The following SLC4A7 variants were observed in gnomAD, a reference collection of about 807,000 sequenced individuals.
SLC4A7 encodes the protein sodium bicarbonate cotransporter 3.
SLC4A7 carries 51 observed loss-of-function variants against 137.6 expected under a neutral mutation model. That is an observed-to-expected ratio of 0.37 (90% CI 0.30 to 0.47). SLC4A7 has a LOEUF of 0.47. Ranked by LOEUF, SLC4A7 falls within the 20% of genes least tolerant of loss-of-function variation. SLC4A7 has a pLI of 1.00. For synonymous variants in SLC4A7, 542 were observed against 518.6 expected (o/e 1.05, Z -0.61); for missense variants, 1,247 against 1,525.4 (o/e 0.82, Z 3.04).
Position 27,379,344 on chromosome 3 carries a change from T to C in SLC4A7, c.3603A>G (p.Ser1201=). The part of the protein sequence containing the change: ...VKALKYSVDP[S]IVNISDEMAK... ...CCATTTCATCTGATATGTTAACAATTGAGGGATCAACACTGAAGAACAAAT... is the reference window on the plus strand; with the variant it reads ...CCATTTCATCTGATATGTTAACAATCGAGGGATCAACACTGAAGAACAAAT... Residue 1201 remains serine (S), a synonymous_variant, in exon 25 of 26, where the codon TCA becomes TCG. Transcript: ENST00000454389. The C allele has an allele frequency of 6.5e-7, 1 of 1,526,942 alleles. No homozygotes were observed. The highest frequency in any genetic ancestry group is 8.8e-7 in the Non-Finnish European group (1 of 1,138,310). The allele number at this position is 1,526,942 out of a possible 1,614,324, so 94.6% of individuals were successfully genotyped here.
intron 1 of SLC4A7, among the ~76,000 whole-genome samples, chr3:27,458,128 T>C (rs894278948): frequency 1.3e-5 from 2 of 152,176 alleles, no homozygotes; most frequent in South Asian, 4.1e-4. Flanking sequence ...TACAAATGCT[T>C]ATTTTGTCAT....
intron 5 of SLC4A7, among the ~76,000 whole-genome samples, chr3:27,434,504 A>G (rs2056579282): frequency 6.6e-6 from 1 of 152,186 alleles, no homozygotes; most frequent in African/African-American, 2.4e-5. Context: ...GGACCCACTC[A>G]GTCATTAACT....
At chr3:27,401,110 G>C (rs1264328460) in intron 15 of SLC4A7, 1 of 313,278 alleles carries the variant, frequency 3.2e-6, no homozygotes, top group African/African-American at 2.2e-5. Context: ...TTATGTCCTT[G>C]GTGAGGGCAC....
chr3:27,400,316 T>G (rs1378875887), intron 16 of SLC4A7, among the ~76,000 whole-genome samples: 1 of 152,182 alleles, frequency 6.6e-6, no homozygotes, highest in African/African-American at 2.4e-5. Context: ...CAAGGTTAAC[T>G]TAGACATTAG....
At chr3:27,388,580 T>C (rs1218877119) in intron 22 of SLC4A7, among the ~76,000 whole-genome samples, 1 of 152,282 alleles carries the variant, frequency 6.6e-6, no homozygotes, top group East Asian at 1.9e-4. Flanking sequence ...TTAGATATAG[T>C]ATGAAAATAA....
intron 3 of SLC4A7, among the ~76,000 whole-genome samples, chr3:27,438,621 AATAAC>A (rs747593663): frequency 2.0e-4 from 31 of 151,730 alleles, no homozygotes; most frequent in Non-Finnish European, 4.0e-4. Context: ...AAAATAACAA[AATAAC>A]ATAACATAAA....
At chr3:27,405,376 G>A (rs1011174576) in intron 13 of SLC4A7, among the ~76,000 whole-genome samples, 3 of 152,182 alleles carry the variant, frequency 2.0e-5, no homozygotes, top group Middle Eastern at 3.4e-3. Context: ...CTCCTGGTTC[G>A]AAGCATTTCA....
intron 1 of SLC4A7, 77 bp downstream of exon 1, chr3:27,483,990 G>T: frequency 8.7e-7 from 1 of 1,154,746 alleles, no homozygotes; most frequent in Non-Finnish European, 1.1e-6. Flanking sequence ...CGCGACGCCC[G>T]CCGCGCCCCC....
chr3:27,431,171 T>G, intron 7 of SLC4A7, 127 bp downstream of exon 7: 1 of 1,007,364 alleles, frequency 9.9e-7, no homozygotes, highest in Non-Finnish European at 1.4e-6. Flanking sequence ...AAAAAAAACA[T>G]GCAGAAGTCA....
Position 27,484,195 on chromosome 3 carries a change from C to G in SLC4A7, c.-69G>C. The stretch of plus-strand genomic sequence containing the variant: ...CGCGGTCTGCCTGCTTCTGCCGCTG[C>G]CCCTGCCGCCGCCGCCGAGCCCCCG... On this transcript the variant is annotated 5_prime_UTR_variant, in exon 1 of 26. Transcript: ENST00000454389. 8.4e-7 allele frequency: 1 copy of G among 1,184,128 alleles called. No homozygotes were observed. Among genetic ancestry groups the G allele is most frequent in the Non-Finnish European group, 1.1e-6 (1 of 942,508 alleles). 73.4% of individuals were successfully genotyped at this position (1,184,128 alleles called of 1,614,324 possible). A position where few individuals can be genotyped will look rare whatever the true frequency, so the allele number is the denominator to read the frequency against.
rs1451526801 is a variant in SLC4A7, at chr3:27,374,753, T to C, written c.*2011A>G. 6.6e-6 allele frequency: 1 copy of C among 152,520 alleles called. No individual in the cohort carries two copies. Among genetic ancestry groups the C allele is most frequent in the Non-Finnish European group, 1.5e-5 (1 of 67,932 alleles). 9.4% of individuals were successfully genotyped at this position (152,520 alleles called of 1,614,324 possible). On this transcript the variant is annotated 3_prime_UTR_variant, in exon 26 of 26. Coordinates refer to ENST00000454389, the MANE Select transcript of SLC4A7 (RefSeq NM_001321103.2). ...AGTTTTCAGTTTTAAAATTTCTTCC[T>C]GTAAAGTAAGTACAGTTGTTACCCC...
chr3:27,420,231 C>T (rs2054822246), intron 10 of SLC4A7, among the ~76,000 whole-genome samples: 1 of 151,792 alleles, frequency 6.6e-6, no homozygotes, highest in African/African-American at 2.4e-5. Context: ...TGGGGCATTT[C>T]AAATACCCTT....
intron 6 of SLC4A7, among the ~76,000 whole-genome samples, chr3:27,432,071 A>T (rs905279459): frequency 6.6e-6 from 1 of 152,194 alleles, no homozygotes; most frequent in African/African-American, 2.4e-5. Context: ...AATAGCTTAT[A>T]TTTAGCGTAT....
At position 27,420,764 on chromosome 3, in the gene SLC4A7, G is replaced by A; in HGVS notation, c.1448C>T (p.Pro483Leu). Residue 483 changes from proline (P) to leucine (L), a missense_variant, in exon 10 of 26, where the codon CCA (proline) becomes CTA (leucine). By Grantham distance (98) the Pro-to-Leu change is moderately conservative (BLOSUM62 -3). Coordinates refer to ENST00000454389, the MANE Select transcript of SLC4A7 (RefSeq NM_001321103.2). Reference sequence around the variant, plus strand: ...ATGGTACTGTGGTGCCTTGCCCGCTGGACCCAATAACAAAAACAAAAACCT... The same window carrying A: ...ATGGTACTGTGGTGCCTTGCCCGCTAGACCCAATAACAAAAACAAAAACCT... Reference protein sequence around the residue: ...PTRFLFLLLGPAGKAPQYHEI... With the variant: ...PTRFLFLLLGLAGKAPQYHEI... 6.2e-7 allele frequency: 1 copy of A among 1,613,006 alleles called. No homozygotes were observed. The highest frequency in any genetic ancestry group is 8.5e-7 in the Non-Finnish European group (1 of 1,179,414).
intron 1 of SLC4A7, among the ~76,000 whole-genome samples, chr3:27,461,806 A>G (rs1327471277): frequency 6.6e-6 from 1 of 151,680 alleles, no homozygotes; most frequent in Non-Finnish European, 1.5e-5. Context: ...CCAAAAAAAA[A>G]AAAAAATTAG....
intron 1 of SLC4A7, among the ~76,000 whole-genome samples, chr3:27,459,539 C>T (rs1271077148): frequency 6.6e-6 from 1 of 152,014 alleles, no homozygotes; most frequent in Admixed American, 6.6e-5. Flanking sequence ...CTCATTTGAT[C>T]CCTTGGTCTC....
intron 23 of SLC4A7, among the ~76,000 whole-genome samples, chr3:27,385,134 T>C (rs760929053): frequency 2.0e-5 from 3 of 152,178 alleles, no homozygotes; most frequent in Non-Finnish European, 4.4e-5. Context: ...AACAGGACCA[T>C]ACATTTAAAA....
chr3:27,456,924 A>G (rs1428360073), intron 1 of SLC4A7: 1 of 985,182 alleles, frequency 1.0e-6, no homozygotes, highest in South Asian at 4.7e-5. Flanking sequence ...ACATTTAGTT[A>G]TAAGTAAAAA....
In SLC4A7 at chr3:27,411,025, T is replaced by C. The variant is rs139855860; in HGVS notation, c.1766+617A>G. Among the ~76,000 whole-genome samples the C allele has an allele frequency of 2.0e-4, 30 of 152,320 alleles. No homozygotes were observed. In the East Asian group the frequency reaches 5.4e-3, roughly 27 times the overall value. On this transcript the variant is annotated intron_variant, in intron 12 of 25. Coordinates refer to ENST00000454389, the MANE Select transcript of SLC4A7 (RefSeq NM_001321103.2). ...CCACCAGTGGACAATAAAGAATCAA[T>C]AGCCACATGCTTTTCCACATTATGA...
Sources: gnomAD v4.1 joint callset for allele counts (sites outside exome capture counted in the v4.1 genomes callset) on GRCh38, gnomAD v4.1.1 for gene constraint, MANE v1.5 for transcripts, NCBI Gene and HGNC (gene_info 2026-07-23, HGNC 2026-07-21) for gene names.